Variants in PACC1 observed in about 807,000 individuals in gnomAD.
PACC1 encodes proton activated chloride channel 1, also known as proton-activated chloride channel.
In PACC1, 34 loss-of-function variants were observed where a neutral mutation model predicts 39.7. The ratio of observed to expected loss-of-function variants is 0.86; its 90% CI spans 0.65 to 1.14. The LOEUF is 1.14. Among genes scored for constraint, PACC1 ranks in the 50% most tolerant of loss-of-function variants. The probability of loss-of-function intolerance (pLI) is 0.00; values close to 1 mark genes in which losing one functional copy is unlikely to be tolerated. For missense variants in PACC1, 379 were observed against 436.4 expected, an observed-to-expected ratio of 0.87 and a Z score of 1.17; for synonymous variants, 127 against 160.6, an observed-to-expected ratio of 0.79 and a Z score of 1.58.
At chr1:212,365,758 C>T (rs1044794223) in intron 7 of PACC1, among the ~76,000 whole-genome samples, 3 of 152,170 alleles carry the variant, frequency 2.0e-5, no homozygotes, top group African/African-American at 7.2e-5. Flanking sequence ...ATACTGACTC[C>T]TCCCTATAAT....
At chr1:212,368,957 G>A (rs1451846945) in intron 7 of PACC1, among the ~76,000 whole-genome samples, 2 of 151,506 alleles carry the variant, frequency 1.3e-5, no homozygotes, top group Admixed American at 6.6e-5. Context: ...GTGTGAACCC[G>A]GGAGCTTGCA....
intron 6 of PACC1, 86 bp downstream of exon 6, chr1:212,377,476 G>GCCTTA (rs1660706358): frequency 6.4e-7 from 1 of 1,570,472 alleles, no homozygotes; most frequent in East Asian, 2.2e-5. Flanking sequence ...CTGCTCAAAG[G>GCCTTA]AGCCTTCTCT....
chr1:212,365,306 G>C lies in PACC1; in HGVS notation c.962C>G (p.Ala321Gly). ...CGAFLALFKA[A>G]EFAKLSIKWM... ...TTTTATACTCAGTTTGGCAAACTCT[G>C]CTGCTTTAAATAATGCCAAGAAGGC... Residue 321 changes from alanine to glycine, a missense_variant, in exon 8 of 8, where the codon GCA (alanine) becomes GGA (glycine). By Grantham distance (60) the Ala-to-Gly change is moderately conservative. Coordinates refer to ENST00000261455, the MANE Select transcript of PACC1 (RefSeq NM_018252.3). 1 of 1,613,734 alleles carries C rather than the reference G, an allele frequency of 6.2e-7. No homozygotes were observed. Among genetic ancestry groups the C allele is most frequent in the Non-Finnish European group, 8.5e-7 (1 of 1,179,940 alleles).
At chr1:212,387,499 C>T (rs1558173236) in intron 2 of PACC1, 1 of 194,708 alleles carries the variant, frequency 5.1e-6, no homozygotes, top group Non-Finnish European at 1.1e-5. Flanking sequence ...CCTCTCTGGC[C>T]TTATCCCTCA....
At chr1:212,377,859 T>C (rs1411233119) in intron 5 of PACC1, among the ~76,000 whole-genome samples, 153 bp from the exon 6 acceptor site, 3 of 152,174 alleles carry the variant, frequency 2.0e-5, no homozygotes, top group Non-Finnish European at 4.4e-5. Flanking sequence ...TCAACAGGGC[T>C]GTCAGTCACC....
chr1:212,378,021 G>A (rs1440972803), intron 5 of PACC1, among the ~76,000 whole-genome samples: 2 of 152,132 alleles, frequency 1.3e-5, no homozygotes, highest in Non-Finnish European at 2.9e-5. Context: ...GGCTACCAAA[G>A]CTGTCGGCAA....
At chr1:212,368,432 CAG>C (rs1438488261) in intron 7 of PACC1, among the ~76,000 whole-genome samples, 1 of 152,032 alleles carries the variant, frequency 6.6e-6, no homozygotes, top group Non-Finnish European at 1.5e-5. Flanking sequence ...TGTGACCACT[CAG>C]GGAATTCAAA....
At chr1:212,381,694 TGC>T (rs1491433168) in intron 4 of PACC1, among the ~76,000 whole-genome samples, 33 of 78,574 alleles carry the variant, frequency 4.2e-4, no homozygotes, top group East Asian at 1.1e-3. Flanking sequence ...ACACACACAC[TGC>T]ACACACACAC....
At chr1:212,368,697 C>T (rs1294745193) in intron 7 of PACC1, among the ~76,000 whole-genome samples, 1 of 151,798 alleles carries the variant, frequency 6.6e-6, no homozygotes, top group African/African-American at 2.4e-5. Flanking sequence ...ATGAAGAACA[C>T]TCACAAGGTC....
chr1:212,404,693 GCCTT>G (rs1370317241), intron 2 of PACC1, among the ~76,000 whole-genome samples: 5 of 147,932 alleles, frequency 3.4e-5, no homozygotes, highest in South Asian at 4.2e-4. Flanking sequence ...AAACCAGCCA[GCCTT>G]CCTTCCTTTT....
chr1:212,413,506 G>C (rs1363013123), intron 1 of PACC1, among the ~76,000 whole-genome samples: 3 of 152,244 alleles, frequency 2.0e-5, no homozygotes, highest in African/African-American at 7.2e-5. Context: ...CATGGAACTT[G>C]AGGTAGCCCT....
At position 212,386,777 on chromosome 1, in the gene PACC1, T is replaced by C. The variant is rs1558172605; in HGVS notation, c.343+114A>G. ...ACTCTATACCTAGACTATGCTTGGTTGGACTCCTCTGCCCTGCCCGTAGTA... is the reference window on the plus strand; with the variant it reads ...ACTCTATACCTAGACTATGCTTGGTCGGACTCCTCTGCCCTGCCCGTAGTA... On this transcript the variant is annotated intron_variant, in intron 3 of 7. Coordinates refer to ENST00000261455, the MANE Select transcript of PACC1 (RefSeq NM_018252.3). This position sits in a 1 kb window ranked among gnomAD's most constrained non-coding sequence, Gnocchi z 5.0. The C allele has an allele frequency of 2.0e-6, 2 of 985,520 alleles. No individual in the cohort carries two copies. Among genetic ancestry groups the C allele is most frequent in the African/African-American group, 1.6e-5 (1 of 62,832 alleles). The allele number at this position is 985,520 out of a possible 1,614,324, so 61.0% of individuals were successfully genotyped here. A position where few individuals can be genotyped will look rare whatever the true frequency, so the allele number is the denominator to read the frequency against.
In PACC1 at chr1:212,376,262, C is replaced by T. The variant is rs558801155; in HGVS notation, c.784-962G>A. Among the ~76,000 whole-genome samples, 16 of 152,248 alleles carry T rather than the reference C, an allele frequency of 1.1e-4. 1 individual carries two copies. In the East Asian group the frequency reaches 2.7e-3, roughly 26 times the overall value. On this transcript the variant is annotated intron_variant, in intron 6 of 7. Transcript: ENST00000261455. ...CCCACAAAGCTGAACAAAATGCCTA[C>T]GTCACTACAGTATAGGGGCATACCT...
intron 2 of PACC1, among the ~76,000 whole-genome samples, chr1:212,400,933 T>C (rs1027701332): frequency 6.6e-6 from 1 of 152,178 alleles, no homozygotes; most frequent in Non-Finnish European, 1.5e-5. Context: ...AACCTCTATT[T>C]AGAGGAAGGG....
chr1:212,411,938 C>T (rs986463230), intron 1 of PACC1, among the ~76,000 whole-genome samples: 3 of 151,972 alleles, frequency 2.0e-5, no homozygotes, highest in Admixed American at 6.6e-5. Flanking sequence ...GTCAGGAGTT[C>T]GAGACCTGCC....
intron 2 of PACC1, among the ~76,000 whole-genome samples, chr1:212,403,197 CT>C (rs1251200335): frequency 6.6e-6 from 1 of 152,188 alleles, no homozygotes; most frequent in Non-Finnish European, 1.5e-5. Context: ...TAGACTAAAG[CT>C]TTTAGTGCAT....
chr1:212,393,364 A>G (rs576528701), intron 2 of PACC1, among the ~76,000 whole-genome samples: 1 of 152,372 alleles, frequency 6.6e-6, no homozygotes, highest in Admixed American at 6.5e-5. Flanking sequence ...TGAAGGCAGA[A>G]ATAAAGATGT....
intron 7 of PACC1, among the ~76,000 whole-genome samples, chr1:212,367,156 C>A (rs1660275344): frequency 6.6e-6 from 1 of 152,168 alleles, no homozygotes; most frequent in Non-Finnish European, 1.5e-5. Context: ...CAGCGATAGT[C>A]CTCTGCAGCA....
intron 2 of PACC1, among the ~76,000 whole-genome samples, chr1:212,392,675 T>C (rs1661367019): frequency 6.6e-6 from 1 of 152,188 alleles, no homozygotes; most frequent in South Asian, 2.1e-4. Context: ...ATCAGTGTGC[T>C]GTATTCAGGA....
Sources: allele counts gnomAD v4.1 joint callset (sites outside exome capture counted in the v4.1 genomes callset), GRCh38; gene constraint gnomAD v4.1.1; non-coding constraint Gnocchi (gnomAD v3.1); transcripts MANE v1.5; gene names NCBI Gene and HGNC (gene_info 2026-07-23, HGNC 2026-07-21).